The following TMEM71 variants were observed in gnomAD, a reference collection of about 807,000 sequenced individuals.
TMEM71 encodes transmembrane protein 71.
Under a neutral mutation model 38.0 loss-of-function variants are expected in TMEM71, and 44 were observed. That is an observed-to-expected ratio of 1.16 (90% CI 0.91 to 1.49). TMEM71 has a LOEUF of 1.49. Ranked by LOEUF, TMEM71 falls within the 40% of genes most tolerant of loss-of-function variation. The pLI is 0.00. For synonymous variants in TMEM71, 133 were observed against 122.5 expected, an observed-to-expected ratio of 1.09 and a Z score of -0.56; for missense variants, 367 against 348.6, an observed-to-expected ratio of 1.05 and a Z score of -0.42.
At chr8:132,732,058 A>G (rs559588603) in intron 5 of TMEM71, among the ~76,000 whole-genome samples, 9 of 152,332 alleles carry the variant, frequency 5.9e-5, no homozygotes, top group African/African-American at 2.2e-4. Flanking sequence ...GTTATTGTAT[A>G]TACTGCAAAT....
chr8:132,759,839 A>G (rs1829234861), intron 1 of TMEM71, among the ~76,000 whole-genome samples: 1 of 152,250 alleles, frequency 6.6e-6, no homozygotes, highest in African/African-American at 2.4e-5. Flanking sequence ...TTAGGAAAAT[A>G]TAAACCTGGT....
chr8:132,766,408 CG>C, the TMEM71 span, among the ~76,000 whole-genome samples: 3 of 31,002 alleles, frequency 9.7e-5, no homozygotes, highest in East Asian at 1.0e-3. Context: ...ACATGGGGGG[CG>C]GGGGGGAAAG....
At chr8:132,775,409 C>T in the TMEM71 span, 1 of 371,074 alleles carries the variant, frequency 2.7e-6, no homozygotes, top group Non-Finnish European at 4.7e-6. Flanking sequence ...GCGGCGGAGG[C>T]GGCGGCGGCG....
At chr8:132,726,754 C>G (rs1019336256) in intron 6 of TMEM71, among the ~76,000 whole-genome samples, 10 of 152,190 alleles carry the variant, frequency 6.6e-5, no homozygotes, top group African/African-American at 2.2e-4. Context: ...AGCTTTGCTC[C>G]TGCCAGAAAA....
chr8:132,719,589 A>G (rs188200455), intron 7 of TMEM71, among the ~76,000 whole-genome samples: 184 of 152,330 alleles, frequency 1.2e-3, no homozygotes, highest in Non-Finnish European at 2.3e-3. Flanking sequence ...GTATGTGCAA[A>G]CATATCAACT....
intron 6 of TMEM71, among the ~76,000 whole-genome samples, chr8:132,726,648 T>C (rs910122749): frequency 6.6e-6 from 1 of 152,058 alleles, no homozygotes; most frequent in Non-Finnish European, 1.5e-5. Context: ...AATGACAGAG[T>C]GGGCTCTTTC....
chr8:132,756,414 TATATA>T lies in TMEM71; in HGVS notation c.101+815_101+819del, dbSNP rs1563757930. Among the ~76,000 whole-genome samples, 523 of 61,216 alleles carry T rather than the reference TATATA, an allele frequency of 8.5e-3. 1 individual carries two copies. Among genetic ancestry groups the T allele is most frequent in the Non-Finnish European group, 0.017 (399 of 22,948 alleles). The allele number at this position is 61,216 out of a possible 152,430, so 40.2% of individuals were successfully genotyped here. ...TATATTGACACTAACATATATATTA[TATATA>T]TATATATATATATATATATATATTC... On this transcript the variant is annotated intron_variant, in intron 3 of 9. Transcript: ENST00000677595.
the TMEM71 span, among the ~76,000 whole-genome samples, chr8:132,766,909 A>G: frequency 2.0e-5 from 3 of 152,108 alleles, no homozygotes; most frequent in Admixed American, 6.5e-5. Flanking sequence ...CTCTACATCA[A>G]TGTGGTTTCT....
intron 5 of TMEM71, among the ~76,000 whole-genome samples, chr8:132,739,766 A>G (rs1011437090): frequency 6.6e-6 from 1 of 152,188 alleles, no homozygotes; most frequent in Non-Finnish European, 1.5e-5. Context: ...AAGCTAATAT[A>G]TTTTAAAAAG....
chr8:132,750,129 T>C (rs2467979), intron 4 of TMEM71, among the ~76,000 whole-genome samples: 46,138 of 151,928 alleles, frequency 0.3, 7,190 homozygotes, highest in Non-Finnish European at 0.33. Flanking sequence ...TTATCCTGAC[T>C]GACTGACTAA....
intron 4 of TMEM71, among the ~76,000 whole-genome samples, chr8:132,751,296 C>T (rs537101256): frequency 1.2e-4 from 18 of 152,332 alleles, no homozygotes; most frequent in African/African-American, 4.3e-4. Flanking sequence ...GAACCCCAGA[C>T]CTGTGCCATC....
chr8:132,711,054 G>C (rs1247175880), intron 9 of TMEM71, 72 bp from the exon 10 acceptor site: 1 of 1,433,946 alleles, frequency 7.0e-7, no homozygotes, highest in Non-Finnish European at 9.7e-7. Context: ...TCTAATCACT[G>C]CATACCCATT....
In TMEM71 at chr8:132,717,221, GA is replaced by G. The variant is rs1234475748; in HGVS notation, c.753-3007del. 3.3e-5 allele frequency among the ~76,000 whole-genome samples: 5 copies of G among 152,012 alleles called. No individual in the cohort carries two copies. The South Asian group carries it at 8.3e-4, about 25-fold the overall frequency. ...ACCAAAAGCACAGACCACAAAAAAA[GA>G]AAAAAAGTAGAGAAGTTGGGCTACA... On this transcript the variant is annotated intron_variant, in intron 7 of 9. Transcript: ENST00000677595.
intron 3 of TMEM71, among the ~76,000 whole-genome samples, chr8:132,754,970 G>A (rs981614002): frequency 1.3e-5 from 2 of 152,136 alleles, no homozygotes; most frequent in Non-Finnish European, 2.9e-5. Context: ...TAAATTCATT[G>A]TTCAATAACT....
At chr8:132,775,406 A>AGGCGGCGGC in the TMEM71 span, 82 of 382,644 alleles carry the variant, frequency 2.1e-4, no homozygotes, top group Non-Finnish European at 1.7e-4. Context: ...CCGGCGGCGG[A>AGGCGGCGGC]GGCGGCGGCG....
the TMEM71 span, among the ~76,000 whole-genome samples, chr8:132,772,332 A>T: frequency 6.6e-6 from 1 of 152,136 alleles, no homozygotes; most frequent in South Asian, 2.1e-4. Context: ...TTCTGCTCAA[A>T]CACAGCTGTA....
At chr8:132,711,090 A>C in intron 9 of TMEM71, 108 bp from the exon 10 acceptor site, 4 of 949,366 alleles carry the variant, frequency 4.2e-6, no homozygotes, top group Non-Finnish European at 6.4e-6. Flanking sequence ...ACACACCCAC[A>C]CCCATACCCA....
At chr8:132,718,916 T>C (rs1043081141) in intron 7 of TMEM71, among the ~76,000 whole-genome samples, 15 of 152,134 alleles carry the variant, frequency 9.9e-5, no homozygotes, top group African/African-American at 3.6e-4. Flanking sequence ...AGATTACGAA[T>C]AAATACAAAA....
chr8:132,748,368 G>A (rs73708362), intron 4 of TMEM71, among the ~76,000 whole-genome samples: 1,621 of 152,320 alleles, frequency 0.011, 25 homozygotes, highest in African/African-American at 0.037. Flanking sequence ...CAGGGAAGGA[G>A]TGCTCCTGGC....
Sources: gnomAD v4.1 joint callset for allele counts (sites outside exome capture counted in the v4.1 genomes callset) on GRCh38, gnomAD v4.1.1 for gene constraint, MANE v1.5 for transcripts, NCBI Gene and HGNC (gene_info 2026-07-23, HGNC 2026-07-21) for gene names.